ADNP: variants seen among roughly 807,000 people sequenced by gnomAD.
ADNP encodes activity-dependent neuroprotector homeobox protein.
ADNP carries 4 observed loss-of-function variants against 84.9 expected under a neutral mutation model. The observed-to-expected ratio is 0.05, with a 90% CI of 0.02 to 0.11. ADNP has a LOEUF of 0.11. Among genes scored for constraint, ADNP ranks in the 10% least tolerant of loss-of-function variants. ADNP has a pLI of 1.00. For synonymous variants in ADNP, 554 were observed against 468.1 expected (o/e 1.18, Z -2.37); for missense variants, 1,132 against 1,326.0 (o/e 0.85, Z 2.27).
Position 50,894,019 on chromosome 20 carries a change from G to C in ADNP, c.695C>G (p.Ser232Cys). ...HCKRCLFMPKSYEALVQHVIE... is the reference protein window; with the variant it reads ...HCKRCLFMPKCYEALVQHVIE... ...GACATGCTGTACCAAAGCTTCATAGGACTTTGGCATGAAAAGGCATCGCTT... is the reference window on the plus strand; with the variant it reads ...GACATGCTGTACCAAAGCTTCATAGCACTTTGGCATGAAAAGGCATCGCTT... The change falls in exon 6 of 6, where the codon TCC becomes TGC. Residue 232 changes from serine to cysteine, a missense_variant. Physicochemically the swap from Ser to Cys is moderately radical, Grantham distance 112 (BLOSUM62 -1). This residue lies in a region of ADNP where 130 missense variants were observed against 183.7 expected (regional missense o/e 0.71). Transcript: ENST00000621696. 1 of 1,614,094 alleles carries C rather than the reference G, an allele frequency of 6.2e-7. No homozygotes were observed.
intron 3 of ADNP, 52 bp downstream of exon 3, chr20:50,904,712 GTT>G (rs1458741473): frequency 6.6e-6 from 1 of 152,116 alleles, no homozygotes; most frequent in Non-Finnish European, 1.5e-5. Context: ...TAAATCAAGT[GTT>G]AGTGCTTTTC....
chr20:50,917,837 TGTG>T (rs1214606589), intron 2 of ADNP, among the ~76,000 whole-genome samples: 1 of 152,146 alleles, frequency 6.6e-6, no homozygotes. Context: ...ATAAATGAAA[TGTG>T]GTCATATCCA....
At chr20:50,895,905 C>CT (rs1203379331) in intron 5 of ADNP, among the ~76,000 whole-genome samples, 2 of 152,158 alleles carry the variant, frequency 1.3e-5, no homozygotes, top group Non-Finnish European at 2.9e-5. Flanking sequence ...CTTTTTGACT[C>CT]TTTTGTAGTA....
rs968808306 is a variant in ADNP at position 50,892,466 on chromosome 20, C to T, written c.2248G>A (p.Val750Ile). Reference protein sequence around the residue: ...SFFEEKPEEPVVLALDPKGHE... With the variant: ...SFFEEKPEEPIVLALDPKGHE... Reference sequence around the variant, plus strand: ...CCCTTGGGGTCTAAAGCTAAAACAACAGGCTCTTCAGGCTTCTCTTCAAAG... The same window carrying T: ...CCCTTGGGGTCTAAAGCTAAAACAATAGGCTCTTCAGGCTTCTCTTCAAAG... The change falls in exon 6 of 6, where the codon GTT becomes ATT. Residue 750 changes from valine (V) to isoleucine (I), a missense_variant. Physicochemically the swap from Val to Ile is conservative, Grantham distance 29. Around this residue, in one of 10 missense-constraint regions of ADNP, gnomAD observed 101 missense variants for 78.5 expected, o/e 1.29. Transcript: ENST00000621696. The T allele has an allele frequency of 8.7e-6, 14 of 1,614,026 alleles. No individual in the cohort carries two copies. Among genetic ancestry groups the T allele is most frequent in the African/African-American group, 2.7e-5 (2 of 74,908 alleles).
At chr20:50,911,094 T>C (rs1982984195) in intron 2 of ADNP, among the ~76,000 whole-genome samples, 1 of 152,258 alleles carries the variant, frequency 6.6e-6, no homozygotes, top group South Asian at 2.1e-4. Flanking sequence ...CCTATTCATG[T>C]GCTTTCTTAC....
In ADNP at chr20:50,891,261, TA is replaced by T; in HGVS notation, c.*143del. 1 of 1,417,136 alleles carries T rather than the reference TA, an allele frequency of 7.1e-7. No individual in the cohort carries two copies. Among genetic ancestry groups the T allele is most frequent in the South Asian group, 1.6e-5 (1 of 62,728 alleles). The allele number at this position is 1,417,136 out of a possible 1,614,324, so 87.8% of individuals were successfully genotyped here. On this transcript the variant is annotated 3_prime_UTR_variant, in exon 6 of 6. Coordinates refer to ENST00000621696, the MANE Select transcript of ADNP (RefSeq NM_001282531.3). ...GCCTGTCCTGTCATAGACTTAGAAA[TA>T]ACCACTGGAACTGCAGCGGCCACAT...
chr20:50,891,557 T>C lies in ADNP; in HGVS notation c.3157A>G (p.Asn1053Asp). Reference protein sequence around the residue: ...DQSQWKNASENDERLSNPQIE... With the variant: ...DQSQWKNASEDDERLSNPQIE... ...TGGGGGTTAGATAAGCGCTCATCAT[T>C]CTCAGATGCATTCTTCCACTGTGAC... Residue 1053 changes from asparagine (N) to aspartate (D), a missense_variant, in exon 6 of 6, where the codon AAT becomes GAT. Physicochemically the swap from Asn to Asp is conservative, Grantham distance 23 (BLOSUM62 1). Coordinates refer to ENST00000621696, the MANE Select transcript of ADNP (RefSeq NM_001282531.3). 6.2e-7 allele frequency: 1 copy of C among 1,612,462 alleles called. No homozygotes were observed. Among genetic ancestry groups the C allele is most frequent in the Non-Finnish European group, 8.5e-7 (1 of 1,180,044 alleles).
chr20:50,910,828 A>T (rs1003107156), intron 2 of ADNP, among the ~76,000 whole-genome samples: 4 of 150,896 alleles, frequency 2.7e-5, no homozygotes, highest in South Asian at 2.1e-4. Flanking sequence ...CTAATTTTTT[A>T]AAAAAATTTA....
At chr20:50,917,144 C>A (rs1198935850) in intron 2 of ADNP, among the ~76,000 whole-genome samples, 1 of 152,198 alleles carries the variant, frequency 6.6e-6, no homozygotes, top group Non-Finnish European at 1.5e-5. Flanking sequence ...CCATGCAGAC[C>A]AAACTCTATC....
chr20:50,891,842 C>T lies in ADNP; in HGVS notation c.2872G>A (p.Asp958Asn), dbSNP rs1375674457. 3.1e-6 allele frequency: 5 copies of T among 1,614,228 alleles called. No individual in the cohort carries two copies. The highest frequency in any genetic ancestry group is 4.2e-6 in the Non-Finnish European group (5 of 1,180,046). Residue 958 changes from aspartate (D) to asparagine (N), a missense_variant, in exon 6 of 6, where the codon GAC (aspartate) becomes AAC (asparagine). Transcript: ENST00000621696. ...LMHNASDSEVDQDDVVEWKDG... is the reference protein window; with the variant it reads ...LMHNASDSEVNQDDVVEWKDG... ...TTCCACTCAACAACATCGTCTTGGT[C>T]AACCTCACTATCAGATGCATTGTGC...
At chr20:50,920,245 G>C (rs1441218696) in intron 2 of ADNP, among the ~76,000 whole-genome samples, 2 of 112,818 alleles carry the variant, frequency 1.8e-5, no homozygotes, top group African/African-American at 7.2e-5. Context: ...CTGGGCAACA[G>C]AGCGAGATTC....
chr20:50,927,119 CA>C (rs756740806), intron 2 of ADNP, among the ~76,000 whole-genome samples: 1 of 151,984 alleles, frequency 6.6e-6, no homozygotes, highest in Non-Finnish European at 1.5e-5. Context: ...CAAGTGGTAC[CA>C]AAACCATCTG....
At chr20:50,922,265 T>G (rs984209475) in intron 2 of ADNP, among the ~76,000 whole-genome samples, 1 of 152,070 alleles carries the variant, frequency 6.6e-6, no homozygotes, top group African/African-American at 2.4e-5. Context: ...CTGGATACAG[T>G]GTCATATTCC....
At chr20:50,927,813 T>C (rs1984389571) in intron 2 of ADNP, among the ~76,000 whole-genome samples, 1 of 152,202 alleles carries the variant, frequency 6.6e-6, no homozygotes, top group African/African-American at 2.4e-5. Context: ...ACTTAGGACA[T>C]CATTCAACAC....
Position 50,902,139 on chromosome 20 carries a change from A to C in ADNP, c.109-30T>G, listed in dbSNP as rs760878317. On this transcript the variant is annotated intron_variant, in intron 4 of 5. Transcript: ENST00000621696. ...AAAACAGTGAAATAAGTTTACAAAAACATAGTGGTATAAACGCTAACCCAA... is the reference window on the plus strand; with the variant it reads ...AAAACAGTGAAATAAGTTTACAAAACCATAGTGGTATAAACGCTAACCCAA... 2.7e-6 allele frequency: 4 copies of C among 1,500,878 alleles called. No homozygotes were observed. The African/African-American group carries it at 5.5e-5, about 21-fold the overall frequency. The allele number at this position is 1,500,878 out of a possible 1,614,324, so 93.0% of individuals were successfully genotyped here.
chr20:50,903,590 T>C (rs1168906925), intron 4 of ADNP, among the ~76,000 whole-genome samples: 3 of 152,206 alleles, frequency 2.0e-5, no homozygotes, highest in Non-Finnish European at 1.5e-5. Flanking sequence ...ACTGCTACAC[T>C]GCCTCCCGCC....
Position 50,921,851 on chromosome 20 carries a change from A to C in ADNP, c.-90+6800T>G, listed in dbSNP as rs146020387. On this transcript the variant is annotated intron_variant, in intron 2 of 5. Transcript: ENST00000621696. ...CTCGGTACTTAAACAAGAAAAACAG[A>C]CTGAGGATACTTTATAATATACCAA... Among the ~76,000 whole-genome samples the C allele has an allele frequency of 3.3e-5, 5 of 152,334 alleles. No homozygotes were observed. In the East Asian group the frequency reaches 7.7e-4, roughly 24 times the overall value.
In ADNP at chr20:50,891,247, CAT is replaced by C; in HGVS notation, c.*156_*157del. 2 of 1,409,722 alleles carry C rather than the reference CAT, an allele frequency of 1.4e-6. No individual in the cohort carries two copies. Among genetic ancestry groups the C allele is most frequent in the Non-Finnish European group, 1.8e-6 (2 of 1,088,982 alleles). The allele number at this position is 1,409,722 out of a possible 1,614,324, so 87.3% of individuals were successfully genotyped here. On this transcript the variant is annotated 3_prime_UTR_variant, in exon 6 of 6. Transcript: ENST00000621696. ...CTGAAGCAAGAACAGCCTGTCCTGTCATAGACTTAGAAATAACCACTGGAACT... is the reference window on the plus strand; with the variant it reads ...CTGAAGCAAGAACAGCCTGTCCTGTCAGACTTAGAAATAACCACTGGAACT...
chr20:50,900,814 G>T (rs1441224138), intron 5 of ADNP, among the ~76,000 whole-genome samples: 2 of 152,190 alleles, frequency 1.3e-5, no homozygotes, highest in Admixed American at 1.3e-4. Flanking sequence ...TGTAGTATCA[G>T]ATTCAGCGCT....
Sources: allele counts gnomAD v4.1 joint callset (sites outside exome capture counted in the v4.1 genomes callset), GRCh38; gene constraint gnomAD v4.1.1; regional missense constraint gnomAD v4.1.1; transcripts MANE v1.5; gene names NCBI Gene and HGNC (gene_info 2026-07-23, HGNC 2026-07-21).